The following HSF1 variants were observed in gnomAD, a reference collection of about 807,000 sequenced individuals.
The protein encoded by HSF1 is heat shock transcription factor 1.
A neutral mutation model predicts 51.7 loss-of-function variants in HSF1; 32 were observed. The observed-to-expected ratio is 0.62, with a 90% CI of 0.47 to 0.83. The LOEUF is 0.83. Among genes scored for constraint, HSF1 ranks in the 40% least tolerant of loss-of-function variants. The pLI is 0.00. For missense variants in HSF1, 727 were observed against 717.0 expected, an observed-to-expected ratio of 1.01 and a Z score of -0.16; for synonymous variants, 396 against 309.7, an observed-to-expected ratio of 1.28 and a Z score of -2.92.
chr8:144,291,891 G>A lies in HSF1; in HGVS notation c.117+17G>A. On this transcript the variant is annotated intron_variant, in intron 1 of 12. Transcript: ENST00000528838. This position sits in a 1 kb window ranked among gnomAD's most constrained non-coding sequence, Gnocchi z 4.1. ...TGGAGCCCGGTGAGGGCAGCGCGCG[G>A]GCGCGGGGCCCGTGGGGACCGGGAG... 1 of 1,443,432 alleles carries A rather than the reference G, an allele frequency of 6.9e-7. No individual in the cohort carries two copies. Among genetic ancestry groups the A allele is most frequent in the Non-Finnish European group, 9.2e-7 (1 of 1,086,030 alleles). The allele number at this position is 1,443,432 out of a possible 1,614,324, so 89.4% of individuals were successfully genotyped here.
At chr8:144,310,006 C>T (rs1342385987) in intron 4 of HSF1, 110 bp downstream of exon 4, 28 of 1,315,982 alleles carry the variant, frequency 2.1e-5, no homozygotes, top group Non-Finnish European at 2.8e-5. Context: ...CAGCTCCACC[C>T]TCCCGCTCCA....
At chr8:144,295,078 G>A (rs781998607) in intron 1 of HSF1, among the ~76,000 whole-genome samples, 3 of 152,232 alleles carry the variant, frequency 2.0e-5, no homozygotes, top group East Asian at 1.9e-4. Context: ...CCCGGGACCC[G>A]CAGCCTCCCT....
At chr8:144,303,795 T>G (rs1330548724) in intron 1 of HSF1, among the ~76,000 whole-genome samples, 3 of 152,136 alleles carry the variant, frequency 2.0e-5, no homozygotes, top group Non-Finnish European at 4.4e-5. Flanking sequence ...GGAGAATTGC[T>G]TGAACCCAGG....
At chr8:144,308,859 C>G in intron 1 of HSF1, 47 bp from the exon 2 acceptor site, 1 of 1,493,212 alleles carries the variant, frequency 6.7e-7, no homozygotes, top group Non-Finnish European at 9.3e-7. Context: ...CTTGGGCACG[C>G]TGCCCCTCAC....
intron 1 of HSF1, among the ~76,000 whole-genome samples, chr8:144,304,073 T>C (rs1326941947): frequency 1.3e-5 from 2 of 151,868 alleles, no homozygotes; most frequent in Non-Finnish European, 2.9e-5. Flanking sequence ...CAACTTGGAG[T>C]CGGTGAGGAT....
Position 144,291,994 on chromosome 8 carries a change from C to T in HSF1, c.117+120C>T. The T allele has an allele frequency of 2.1e-6, 1 of 484,106 alleles. No homozygotes were observed. The highest frequency in any genetic ancestry group is 3.5e-6 in the Non-Finnish European group (1 of 287,766). The allele number at this position is 484,106 out of a possible 1,614,324, so 30.0% of individuals were successfully genotyped here. A position where few individuals can be genotyped will look rare whatever the true frequency, so the allele number is the denominator to read the frequency against. On this transcript the variant is annotated intron_variant, in intron 1 of 12. Transcript: ENST00000528838. This position sits in a 1 kb window ranked among gnomAD's most constrained non-coding sequence, Gnocchi z 4.1. ...GCACTTCAGCTTACGCGCGGTGAGC[C>T]TGCCCTGCCCCCGCCAGAGAAGGGC...
chr8:144,305,040 T>C (rs373753658), intron 1 of HSF1, among the ~76,000 whole-genome samples: 39 of 144,848 alleles, frequency 2.7e-4, no homozygotes, highest in African/African-American at 1.0e-3. Context: ...CTCTGCCTCC[T>C]GGGTTCAAGC....
rs868949255 is a variant in HSF1, at chr8:144,291,806, G to A, written c.49G>A (p.Ala17Thr). The A allele has an allele frequency of 1.0e-5, 16 of 1,554,112 alleles. No individual in the cohort carries two copies. The highest frequency in any genetic ancestry group is 2.6e-5 in the East Asian group (1 of 38,294). The change falls in exon 1 of 13, where the codon GCC becomes ACC. Residue 17 changes from alanine to threonine, a missense_variant. By Grantham distance (58) the Ala-to-Thr change is moderately conservative (BLOSUM62 0). This residue lies in a region of HSF1 where 257 missense variants were observed against 318.3 expected (regional missense o/e 0.81). Transcript: ENST00000528838. The surrounding 1 kb of genome is among the most constrained non-coding windows in gnomAD (Gnocchi z 4.1). ...PGAAGPSNVP[A>T]FLTKLWTLVS... ...CGCGGCGGGGCCCAGCAACGTCCCGGCCTTCCTGACCAAGCTGTGGACCCT... is the reference window on the plus strand; with the variant it reads ...CGCGGCGGGGCCCAGCAACGTCCCGACCTTCCTGACCAAGCTGTGGACCCT...
Position 144,314,345 on chromosome 8 carries a change from C to G in HSF1, c.*15C>G. The G allele has an allele frequency of 6.5e-7, 1 of 1,539,614 alleles. No homozygotes were observed. Among genetic ancestry groups the G allele is most frequent in the Non-Finnish European group, 8.8e-7 (1 of 1,138,228 alleles). On this transcript the variant is annotated 3_prime_UTR_variant, in exon 13 of 13. Transcript: ENST00000528838. ...CTGTCTCCTAGAGGCCCCGGAGGAG[C>G]TGGGCCAGCCGCCCACCCCCACCCC...
At position 144,295,318 on chromosome 8, in the gene HSF1, C is replaced by A. The variant is rs142353086; in HGVS notation, c.117+3444C>A. On this transcript the variant is annotated intron_variant, in intron 1 of 12. Coordinates refer to ENST00000528838, the MANE Select transcript of HSF1 (RefSeq NM_005526.4). ...GTTTTTTACAAGCTATGATTTTGTC[C>A]CATCTTTATTAACAAGATAAGGAAG... is the stretch of plus-strand genomic sequence containing the variant. Among the ~76,000 whole-genome samples, 756 of 152,348 alleles carry A rather than the reference C, an allele frequency of 5.0e-3. 2 individuals are homozygous for A. The highest frequency in any genetic ancestry group is 0.01 in the Middle Eastern group (3 of 294).
chr8:144,305,190 G>A (rs371905646), intron 1 of HSF1, among the ~76,000 whole-genome samples: 19 of 151,796 alleles, frequency 1.3e-4, no homozygotes, highest in East Asian at 9.7e-4. Context: ...CAGGTGATCC[G>A]CCTGGCTCAG....
Position 144,291,786 on chromosome 8 carries a change from C to T in HSF1, c.29C>T (p.Ala10Val), listed in dbSNP as rs781960331. Residue 10 changes from alanine to valine, a missense_variant, in exon 1 of 13, where the codon GCG becomes GTG. Physicochemically the swap from Ala to Val is moderately conservative, Grantham distance 64 (BLOSUM62 0). Transcript: ENST00000528838. The surrounding 1 kb of genome is among the most constrained non-coding windows in gnomAD (Gnocchi z 4.1). ...GATCTGCCCGTGGGCCCCGGCGCGG[C>T]GGGGCCCAGCAACGTCCCGGCCTTC... is the stretch of plus-strand genomic sequence containing the variant. The part of the protein sequence containing the change: MDLPVGPGA[A>V]GPSNVPAFLT... 7 of 1,536,996 alleles carry T rather than the reference C, an allele frequency of 4.6e-6. No individual in the cohort carries two copies. The highest frequency in any genetic ancestry group is 3.9e-5 in the Admixed American group (2 of 51,844).
At chr8:144,292,659 A>G (rs1219398953) in intron 1 of HSF1, 1 of 152,214 alleles carries the variant, frequency 6.6e-6, no homozygotes, top group African/African-American at 2.4e-5. Flanking sequence ...GCAAGTGATG[A>G]CCTGAAGAAG....
chr8:144,313,289 G>A, intron 9 of HSF1: 1 of 537,028 alleles, frequency 1.9e-6, no homozygotes, highest in Non-Finnish European at 3.3e-6. Flanking sequence ...AGGCCCTCAT[G>A]GCAAAGGGAT....
At chr8:144,305,407 C>T (rs1217014933) in intron 1 of HSF1, among the ~76,000 whole-genome samples, 9 of 152,080 alleles carry the variant, frequency 5.9e-5, no homozygotes, top group Admixed American at 5.9e-4. Context: ...TCAAGCGATT[C>T]TCTTGCCTCA....
At chr8:144,309,918 T>C (rs781934380) in intron 4 of HSF1, 22 bp downstream of exon 4, 15 of 1,609,278 alleles carry the variant, frequency 9.3e-6, no homozygotes, top group Non-Finnish European at 1.3e-5. Context: ...ACCAGCATTA[T>C]GGGCCACAGC....
intron 10 of HSF1, 39 bp from the exon 11 acceptor site, chr8:144,313,807 C>CGCCGCCTCCCCGCCT (rs1816996630): frequency 7.7e-7 from 1 of 1,300,700 alleles, no homozygotes; most frequent in Non-Finnish European, 1.0e-6. Flanking sequence ...CCCCGCCCCG[C>CGCCGCCTCCCCGCCT]CCCCGGGTGC....
intron 1 of HSF1, among the ~76,000 whole-genome samples, chr8:144,302,645 T>C (rs545446251): frequency 9.3e-5 from 14 of 151,264 alleles, no homozygotes; most frequent in Admixed American, 4.6e-4. Flanking sequence ...CTGGGCAACA[T>C]AGGGAGACCC....
At position 144,311,309 on chromosome 8, in the gene HSF1, C is replaced by T. The variant is rs782797179; in HGVS notation, c.565-12C>T. 37 of 1,613,764 alleles carry T rather than the reference C, an allele frequency of 2.3e-5. No individual in the cohort carries two copies. The highest frequency in any genetic ancestry group is 3.0e-5 in the Non-Finnish European group (35 of 1,180,014). ...ACAAGGGCCGGGGTAACTGTGTCCT[C>T]TCTCTCCACAGCTCATTCAGTTCCT... On this transcript the variant is annotated splice_polypyrimidine_tract_variant and intron_variant, in intron 5 of 12. Transcript: ENST00000528838.
Sources: gnomAD v4.1 joint callset for allele counts (sites outside exome capture counted in the v4.1 genomes callset) on GRCh38, gnomAD v4.1.1 for gene constraint, gnomAD v4.1.1 regional missense constraint, Gnocchi (gnomAD v3.1) non-coding constraint, MANE v1.5 for transcripts, NCBI Gene and HGNC (gene_info 2026-07-23, HGNC 2026-07-21) for gene names.